Variants in PFKFB3 observed in about 807,000 individuals in gnomAD.
PFKFB3 encodes 6-phosphofructo-2-kinase/fructose-2,6-biphosphatase 3.
Under a neutral mutation model 68.0 loss-of-function variants are expected in PFKFB3, and 33 were observed. That is an observed-to-expected ratio of 0.49 (90% confidence interval 0.37 to 0.65). The LOEUF (loss-of-function observed/expected upper bound fraction) is 0.65, where lower values mean the gene tolerates loss of function less well. PFKFB3 is among the 30% of genes least tolerant of loss of function. PFKFB3 has a pLI of 0.00. For synonymous variants in PFKFB3, 315 were observed against 288.2 expected (o/e 1.09, Z -0.94); for missense variants, 586 against 712.2 (o/e 0.82, Z 2.02).
chr10:6,177,093 G>T (rs1476798458), intron 1 of PFKFB3, among the ~76,000 whole-genome samples: 1 of 152,176 alleles, frequency 6.6e-6, no homozygotes, highest in Non-Finnish European at 1.5e-5. Flanking sequence ...AAGTTCTCCT[G>T]GTCATGCAGT....
intron 13 of PFKFB3, chr10:6,225,389 A>C (rs1588527548): frequency 5.6e-6 from 2 of 359,782 alleles, no homozygotes; most frequent in East Asian, 7.6e-5. Flanking sequence ...GGTCCCTGTC[A>C]CCCCCTCCAC....
At chr10:6,300,448 G>A in the PFKFB3 span, among the ~76,000 whole-genome samples, 1 of 152,308 alleles carries the variant, frequency 6.6e-6, no homozygotes, top group Admixed American at 6.5e-5. Flanking sequence ...CATCAGGGAA[G>A]GCTCCCCCAT....
At chr10:6,246,027 G>T (rs991614431) in intron 14 of PFKFB3, among the ~76,000 whole-genome samples, 5 of 152,102 alleles carry the variant, frequency 3.3e-5, no homozygotes, top group Non-Finnish European at 4.4e-5. Flanking sequence ...CCTTCTTCTC[G>T]AAGACCCTCT....
chr10:6,191,796 A>G (rs1843029609), intron 1 of PFKFB3, among the ~76,000 whole-genome samples: 1 of 152,058 alleles, frequency 6.6e-6, no homozygotes, highest in South Asian at 2.1e-4. Flanking sequence ...GAGCAACGCG[A>G]TGCACGACAA....
intron 1 of PFKFB3, among the ~76,000 whole-genome samples, chr10:6,190,381 A>G (rs1420498590): frequency 2.0e-5 from 3 of 152,224 alleles, no homozygotes; most frequent in Non-Finnish European, 4.4e-5. Flanking sequence ...ATTCTACTCT[A>G]AGGAAAAGCT....
intron 1 of PFKFB3, among the ~76,000 whole-genome samples, chr10:6,183,846 C>A (rs1238352440): frequency 1.3e-5 from 2 of 151,206 alleles, no homozygotes; most frequent in Non-Finnish European, 2.9e-5. Context: ...TGCCACCACG[C>A]CCGGCTAATT....
chr10:6,187,996 T>C (rs573484038), intron 1 of PFKFB3, among the ~76,000 whole-genome samples: 1 of 47,290 alleles, frequency 2.1e-5, no homozygotes, highest in African/African-American at 4.0e-5. Context: ...TCCATTTACC[T>C]ACCTACATAT....
At chr10:6,231,256 T>C in intron 14 of PFKFB3, 1 of 1,595,906 alleles carries the variant, frequency 6.3e-7, no homozygotes, top group Non-Finnish European at 8.6e-7. Context: ...CCCACTCTGC[T>C]TGAAAGACGA....
intron 1 of PFKFB3, among the ~76,000 whole-genome samples, chr10:6,174,291 TGAC>T (rs1842395807): frequency 6.6e-6 from 1 of 152,212 alleles, no homozygotes; most frequent in Non-Finnish European, 1.5e-5. Flanking sequence ...GCAGACATCG[TGAC>T]CTTTCCCGTC....
chr10:6,272,163 A>G, the PFKFB3 span, among the ~76,000 whole-genome samples: 7 of 152,212 alleles, frequency 4.6e-5, no homozygotes, highest in Non-Finnish European at 1.0e-4. Flanking sequence ...CCCCGAGTTC[A>G]CAGACAGGGG....
chr10:6,223,680 T>C (rs920802246), intron 11 of PFKFB3, among the ~76,000 whole-genome samples: 33 of 152,300 alleles, frequency 2.2e-4, no homozygotes, highest in African/African-American at 7.9e-4. Flanking sequence ...TGCAGTGCAA[T>C]GCATGCACTC....
chr10:6,320,703 G>A, the PFKFB3 span, among the ~76,000 whole-genome samples: 2 of 152,270 alleles, frequency 1.3e-5, no homozygotes, highest in African/African-American at 4.8e-5. Context: ...GCAATTGCAG[G>A]CCTGAACCAC....
the PFKFB3 span, among the ~76,000 whole-genome samples, chr10:6,287,261 T>A: frequency 6.6e-6 from 1 of 152,194 alleles, no homozygotes; most frequent in East Asian, 1.9e-4. Flanking sequence ...ATCTAACTTT[T>A]GTATTTTTAG....
the PFKFB3 span, among the ~76,000 whole-genome samples, chr10:6,309,903 A>G: frequency 2.1e-4 from 32 of 152,310 alleles, 1 homozygote; most frequent in East Asian, 5.2e-3. Context: ...AAATGTGTCA[A>G]TTCTCACAAT....
the PFKFB3 span, among the ~76,000 whole-genome samples, chr10:6,306,436 G>T: frequency 2.0e-5 from 3 of 152,242 alleles, no homozygotes; most frequent in African/African-American, 7.2e-5. Context: ...GAAACAGGCT[G>T]TGTCTTCAGC....
chr10:6,221,022 C>A (rs978697601), intron 8 of PFKFB3, among the ~76,000 whole-genome samples, 157 bp downstream of exon 8: 2 of 134,854 alleles, frequency 1.5e-5, no homozygotes, highest in Admixed American at 7.6e-5. Flanking sequence ...CGTCTCTATG[C>A]ATATCTGTGT....
At chr10:6,231,144 T>C (rs1588545567) in intron 14 of PFKFB3, 1 of 778,390 alleles carries the variant, frequency 1.3e-6, no homozygotes, top group East Asian at 2.6e-5. Flanking sequence ...CACCTGGCAT[T>C]TGTGATGCAA....
downstream of PFKFB3, among the ~76,000 whole-genome samples, chr10:6,236,833 C>T (rs754482006): frequency 7.9e-5 from 12 of 152,188 alleles, no homozygotes; most frequent in Non-Finnish European, 1.2e-4. Context: ...CCTTTTGGGC[C>T]AGCTCTGAGA....
At chr10:6,313,216 T>C in the PFKFB3 span, among the ~76,000 whole-genome samples, 3 of 152,244 alleles carry the variant, frequency 2.0e-5, no homozygotes, top group African/African-American at 4.8e-5. The surrounding 1 kb of genome is among the most constrained non-coding windows in gnomAD (Gnocchi z 4.2). Flanking sequence ...CTTTTGCAAA[T>C]GCTTTGATTT....
Sources: allele counts gnomAD v4.1 joint callset (sites outside exome capture counted in the v4.1 genomes callset), GRCh38; gene constraint gnomAD v4.1.1; non-coding constraint Gnocchi (gnomAD v3.1); transcripts MANE v1.5; gene names NCBI Gene and HGNC (gene_info 2026-07-23, HGNC 2026-07-21).